The following PDE4B variants were observed in gnomAD, a reference collection of about 807,000 sequenced individuals.
PDE4B encodes 3',5'-cyclic-AMP phosphodiesterase 4B.
Under a neutral mutation model 82.2 loss-of-function variants are expected in PDE4B, and 20 were observed. The ratio of observed to expected loss-of-function variants is 0.24; its 90% CI spans 0.17 to 0.35. The LOEUF is 0.35. Ranked by LOEUF, PDE4B falls within the 10% of genes least tolerant of loss-of-function variation. The probability of loss-of-function intolerance (pLI) is 1.00; values close to 1 mark genes in which losing one functional copy is unlikely to be tolerated. For synonymous variants in PDE4B, 320 were observed against 318.9 expected (o/e 1.00, Z -0.04); for missense variants, 655 against 907.2 (o/e 0.72, Z 3.57).
chr1:66,321,745 GC>G (rs774247399), intron 7 of PDE4B, among the ~76,000 whole-genome samples: 19 of 152,182 alleles, frequency 1.2e-4, no homozygotes, highest in Admixed American at 7.2e-4. Flanking sequence ...TGGCCATACT[GC>G]CCAAGGTAAT....
chr1:66,148,160 C>G (rs1489147603), intron 3 of PDE4B, among the ~76,000 whole-genome samples: 1 of 152,080 alleles, frequency 6.6e-6, no homozygotes, highest in Non-Finnish European at 1.5e-5. Flanking sequence ...ATTTCAGCTA[C>G]TCGGGAGGCT....
intron 6 of PDE4B, among the ~76,000 whole-genome samples, chr1:66,265,328 GAGA>G (rs1323584500): frequency 6.6e-6 from 1 of 152,176 alleles, no homozygotes; most frequent in Non-Finnish European, 1.5e-5. Context: ...TGCAAAACAT[GAGA>G]AGAAGGGTAA....
At chr1:65,825,992 A>G (rs1294693089) in intron 1 of PDE4B, among the ~76,000 whole-genome samples, 1 of 152,168 alleles carries the variant, frequency 6.6e-6, no homozygotes, top group Non-Finnish European at 1.5e-5. Context: ...ATCTGGACTA[A>G]CATAAGATAT....
At chr1:66,005,687 G>A (rs1348950702) in intron 3 of PDE4B, among the ~76,000 whole-genome samples, 1 of 152,148 alleles carries the variant, frequency 6.6e-6, no homozygotes, top group East Asian at 1.9e-4. Context: ...TTCTGGGTCT[G>A]TCTAAATTAA....
chr1:66,266,699 T>C (rs1655068453), intron 7 of PDE4B: 1 of 528,862 alleles, frequency 1.9e-6, no homozygotes, highest in Non-Finnish European at 3.9e-6. Context: ...TCTTGGTGTG[T>C]TGAGAGCTGC....
In PDE4B at chr1:65,995,515, T is replaced by C. The variant is rs562495467; in HGVS notation, c.281+76680T>C. Among the ~76,000 whole-genome samples the C allele has an allele frequency of 2.2e-4, 34 of 152,294 alleles. No individual in the cohort carries two copies. In the South Asian group the frequency reaches 6.0e-3, roughly 27 times the overall value. ...CTTGAGCACCCTAACGTCTTTCCAA[T>C]GAATATAGATGGCTCTGTATGGTCT... On this transcript the variant is annotated intron_variant, in intron 3 of 16. Transcript: ENST00000341517.
intron 3 of PDE4B, among the ~76,000 whole-genome samples, chr1:66,170,124 A>C (rs1646811304): frequency 6.6e-6 from 1 of 152,182 alleles, no homozygotes; most frequent in Admixed American, 6.6e-5. Flanking sequence ...TGGGATATGA[A>C]TAGCGTACCA....
intron 8 of PDE4B, among the ~76,000 whole-genome samples, chr1:66,347,962 GTTCTGTGTAACTACT>G (rs1017425413): frequency 1.1e-4 from 16 of 152,168 alleles, no homozygotes; most frequent in African/African-American, 3.9e-4. Context: ...TAGTTTCCCT[GTTCTGTGTAACTACT>G]TTCATGTCAG....
At chr1:65,863,450 C>T (rs61797059) in intron 1 of PDE4B, among the ~76,000 whole-genome samples, 24,728 of 151,954 alleles carry the variant, frequency 0.16, 2,557 homozygotes, top group Non-Finnish European at 0.23. Flanking sequence ...AGAATAAGTG[C>T]GATGTGTTGC....
intron 7 of PDE4B, chr1:66,331,870 A>G (rs1660137396): frequency 1.0e-6 from 1 of 985,638 alleles, no homozygotes; most frequent in African/African-American, 1.7e-5. Flanking sequence ...TAATTAAAGG[A>G]AAGATTTAAG....
At chr1:66,107,159 A>G (rs1226446823) in intron 3 of PDE4B, among the ~76,000 whole-genome samples, 3 of 151,598 alleles carry the variant, frequency 2.0e-5, no homozygotes, top group Non-Finnish European at 4.4e-5. Flanking sequence ...GTTGGTTTCA[A>G]AGAACATCTG....
At chr1:65,880,451 C>T (rs2100339753) in intron 1 of PDE4B, among the ~76,000 whole-genome samples, 1 of 152,304 alleles carries the variant, frequency 6.6e-6, no homozygotes, top group Middle Eastern at 3.4e-3. Context: ...GGTGTCCCCA[C>T]ATCAACATTC....
chr1:66,247,427 C>T, intron 3 of PDE4B, 33 bp from the exon 4 acceptor site: 2 of 1,489,296 alleles, frequency 1.3e-6, no homozygotes, highest in Middle Eastern at 2.1e-4. Flanking sequence ...CCATGGTTAT[C>T]ATGTGACCAG....
intron 3 of PDE4B, among the ~76,000 whole-genome samples, chr1:66,012,742 C>T (rs1050357441): frequency 7.2e-5 from 11 of 152,074 alleles, no homozygotes; most frequent in Admixed American, 2.6e-4. Flanking sequence ...CTCCTTTTGC[C>T]ATGTTAAATA....
intron 1 of PDE4B, among the ~76,000 whole-genome samples, chr1:65,897,334 T>C (rs964698125): frequency 3.1e-4 from 47 of 152,070 alleles, no homozygotes; most frequent in African/African-American, 1.1e-3. Context: ...CTATCATCAA[T>C]CCTAGAAATA....
chr1:65,825,723 T>TATC, intron 1 of PDE4B, among the ~76,000 whole-genome samples: 1 of 151,764 alleles, frequency 6.6e-6, no homozygotes. Flanking sequence ...TCTATCTATC[T>TATC]ATCTATCTAT....
intron 3 of PDE4B, among the ~76,000 whole-genome samples, chr1:66,003,509 C>T (rs918015195): frequency 2.0e-5 from 3 of 152,092 alleles, no homozygotes; most frequent in African/African-American, 4.8e-5. Flanking sequence ...ATATTAAAAG[C>T]CAATATAGGA....
At chr1:66,239,192 T>C (rs184753318) in intron 3 of PDE4B, among the ~76,000 whole-genome samples, 45 of 152,330 alleles carry the variant, frequency 3.0e-4, no homozygotes, top group African/African-American at 9.6e-4. Context: ...TAATAGAGCA[T>C]TTAACGATCT....
At chr1:65,824,664 T>C (rs1645994333) in intron 1 of PDE4B, among the ~76,000 whole-genome samples, 2 of 150,542 alleles carry the variant, frequency 1.3e-5, no homozygotes, top group Admixed American at 1.3e-4. Flanking sequence ...TACATACATA[T>C]ATATATATAC....
Sources: gnomAD v4.1 joint callset for allele counts (sites outside exome capture counted in the v4.1 genomes callset) on GRCh38, gnomAD v4.1.1 for gene constraint, MANE v1.5 for transcripts, NCBI Gene and HGNC (gene_info 2026-07-23, HGNC 2026-07-21) for gene names.